LRRC40: variants seen among roughly 807,000 people sequenced by gnomAD.
LRRC40 encodes the protein leucine-rich repeat-containing protein 40.
In LRRC40, 76 loss-of-function variants were observed where a neutral mutation model predicts 72.8. The observed-to-expected ratio is 1.04, with a 90% CI of 0.87 to 1.26. LRRC40 has a LOEUF of 1.26. Among genes scored for constraint, LRRC40 ranks in the 50% most tolerant of loss-of-function variants. The pLI, the probability that LRRC40 is intolerant of heterozygous loss-of-function variation, is 0.00. For missense variants in LRRC40, 684 were observed against 698.9 expected (o/e 0.98, Z 0.24); for synonymous variants, 243 against 254.2 (o/e 0.96, Z 0.42).
intron 9 of LRRC40, among the ~76,000 whole-genome samples, chr1:70,161,867 C>T (rs1667772161): frequency 2.0e-5 from 3 of 151,692 alleles, no homozygotes; most frequent in African/African-American, 4.8e-5. Context: ...AAGTAAGAGA[C>T]GAAGACAGAA....
intron 9 of LRRC40, 127 bp downstream of exon 9, chr1:70,173,338 G>C (rs1243722233): frequency 7.7e-6 from 5 of 652,394 alleles, no homozygotes; most frequent in Admixed American, 5.7e-5. Flanking sequence ...TTTAGAATTA[G>C]AGCCACACAT....
Position 70,178,954 on chromosome 1 carries a change from G to A in LRRC40, c.701C>T (p.Thr234Ile), listed in dbSNP as rs138633329. 5.8e-4 allele frequency: 932 copies of A among 1,600,128 alleles called. 1 individual carries two copies. The highest frequency in any genetic ancestry group is 7.5e-4 in the Non-Finnish European group (882 of 1,171,174). Residue 234 changes from threonine to isoleucine, a missense_variant, in exon 6 of 15, where the codon ACT becomes ATT. Thr to Ile is a moderately conservative substitution (Grantham distance 89). Transcript: ENST00000370952. ...CATGCCAGCCAATTCAGGAGGTATA[G>A]TTTCCAAGAGATTTGAATTACAATC... Reference protein sequence around the residue: ...HLDCNSNLLETIPPELAGMES... With the variant: ...HLDCNSNLLEIIPPELAGMES...
intron 1 of LRRC40, among the ~76,000 whole-genome samples, chr1:70,196,881 C>G (rs1477261776): frequency 2.0e-5 from 3 of 152,116 alleles, no homozygotes; most frequent in Non-Finnish European, 4.4e-5. Flanking sequence ...GCAACATACT[C>G]TTTGTAAATG....
At chr1:70,197,084 G>T (rs1668628867) in intron 1 of LRRC40, among the ~76,000 whole-genome samples, 1 of 152,068 alleles carries the variant, frequency 6.6e-6, no homozygotes, top group Non-Finnish European at 1.5e-5. Flanking sequence ...TATTCAATAG[G>T]ATAGCTACTA....
chr1:70,203,058 T>C (rs993178394), intron 1 of LRRC40, among the ~76,000 whole-genome samples: 1 of 152,160 alleles, frequency 6.6e-6, no homozygotes, highest in Non-Finnish European at 1.5e-5. Context: ...GCTCATCTAA[T>C]TCTTGTATTT....
intron 1 of LRRC40, among the ~76,000 whole-genome samples, chr1:70,198,576 T>C (rs1416628048): frequency 6.6e-6 from 1 of 152,232 alleles, no homozygotes; most frequent in African/African-American, 2.4e-5. Flanking sequence ...AAAAGAGCTG[T>C]CACTTACATG....
At chr1:70,161,393 C>G (rs1303386595) in intron 9 of LRRC40, among the ~76,000 whole-genome samples, 1 of 151,560 alleles carries the variant, frequency 6.6e-6, no homozygotes, top group African/African-American at 2.4e-5. Context: ...CATGGAGATA[C>G]CTTTTTAAGA....
At chr1:70,165,838 G>A (rs552728509) in intron 9 of LRRC40, among the ~76,000 whole-genome samples, 16 of 152,208 alleles carry the variant, frequency 1.1e-4, no homozygotes, top group Non-Finnish European at 1.8e-4. Context: ...GCCTGGGCAC[G>A]TAGTTTTTAA....
chr1:70,147,370 A>G (rs138441724), intron 14 of LRRC40, among the ~76,000 whole-genome samples: 3 of 152,322 alleles, frequency 2.0e-5, no homozygotes, highest in African/African-American at 7.2e-5. Context: ...AGTCTTCCTA[A>G]GGACAAATGT....
Position 70,144,830 on chromosome 1 carries a change from A to T in LRRC40, c.*970T>A, listed in dbSNP as rs1667241423. The T allele has an allele frequency of 6.6e-6, 1 of 152,192 alleles. No homozygotes were observed. The highest frequency in any genetic ancestry group is 1.9e-4 in the East Asian group (1 of 5,196). The allele number at this position is 152,192 out of a possible 1,614,324, so 9.4% of individuals were successfully genotyped here. ...TCAATATTTGAAAAATGTAACTTTT[A>T]TTCTGAACATGTAGTATTTATCTTT... On this transcript the variant is annotated 3_prime_UTR_variant, in exon 15 of 15. Coordinates refer to ENST00000370952, the MANE Select transcript of LRRC40 (RefSeq NM_017768.5).
rs1414885298 is a variant in LRRC40, at chr1:70,145,923, A to G, written c.1704-18T>C. 2 of 1,242,304 alleles carry G rather than the reference A, an allele frequency of 1.6e-6. No individual in the cohort carries two copies. Among genetic ancestry groups the G allele is most frequent in the East Asian group, 2.4e-5 (1 of 41,652 alleles). 77.0% of individuals were successfully genotyped at this position (1,242,304 alleles called of 1,614,324 possible). Reference sequence around the variant, plus strand: ...GTAATGTTCTAAACAAAAGAGAGAAATTGAGAATGTAAACATTTTCCATTA... The same window carrying G: ...GTAATGTTCTAAACAAAAGAGAGAAGTTGAGAATGTAAACATTTTCCATTA... On this transcript the variant is annotated intron_variant, in intron 14 of 14. Transcript: ENST00000370952.
In LRRC40 at chr1:70,175,943, C is replaced by T. The variant is rs1442340280; in HGVS notation, c.844G>A (p.Ala282Thr). ...VGENQIEMLE[A>T]EHLKHLNSIL... ...GAATTCAGATGTTTAAGATGTTCTG[C>T]CTCTAACATTTCAATCTGGTTTTCA... Residue 282 changes from alanine (A) to threonine (T), a missense_variant, in exon 7 of 15, where the codon GCA becomes ACA. Physicochemically the swap from Ala to Thr is moderately conservative, Grantham distance 58. Coordinates refer to ENST00000370952, the MANE Select transcript of LRRC40 (RefSeq NM_017768.5). 2 of 1,587,186 alleles carry T rather than the reference C, an allele frequency of 1.3e-6. No homozygotes were observed. Among genetic ancestry groups the T allele is most frequent in the East Asian group, 4.6e-5 (2 of 43,232 alleles).
At chr1:70,158,099 C>CAAAAAAAAAA in intron 10 of LRRC40, among the ~76,000 whole-genome samples, 1 of 19,198 alleles carries the variant, frequency 5.2e-5, no homozygotes, top group African/African-American at 2.3e-4. Context: ...GACCCTGCCT[C>CAAAAAAAAAA]AAAAAAAAAA....
chr1:70,172,101 C>T (rs1668011780), intron 9 of LRRC40, among the ~76,000 whole-genome samples: 2 of 152,052 alleles, frequency 1.3e-5, no homozygotes, highest in African/African-American at 4.8e-5. Context: ...CCCTCATGAA[C>T]GGGAATAGTG....
chr1:70,157,140 C>T (rs1167630161), intron 10 of LRRC40, among the ~76,000 whole-genome samples: 2 of 152,092 alleles, frequency 1.3e-5, no homozygotes, highest in Non-Finnish European at 2.9e-5. Context: ...TATGGAAGAA[C>T]TGTATAAGAA....
At chr1:70,175,662 C>T in intron 7 of LRRC40, 148 bp downstream of exon 7, 1 of 559,912 alleles carries the variant, frequency 1.8e-6, no homozygotes. Context: ...CCTAATTAAT[C>T]TTTATCTGTA....
intron 1 of LRRC40, among the ~76,000 whole-genome samples, chr1:70,197,541 A>C (rs1203471148): frequency 6.6e-6 from 1 of 150,998 alleles, no homozygotes; most frequent in Admixed American, 6.6e-5. Context: ...GGCCTCCCAA[A>C]GTGCTGGGAT....
intron 1 of LRRC40, among the ~76,000 whole-genome samples, chr1:70,202,700 G>T (rs1335735309): frequency 1.3e-5 from 2 of 152,120 alleles, no homozygotes; most frequent in Non-Finnish European, 2.9e-5. Context: ...TAATAATAAT[G>T]TATCAATATT....
chr1:70,195,094 G>T (rs1309555969), intron 1 of LRRC40, among the ~76,000 whole-genome samples: 4 of 152,010 alleles, frequency 2.6e-5, no homozygotes, highest in Admixed American at 6.6e-5. Flanking sequence ...ATATGTAAAT[G>T]ATGAAACTAA....
Sources: gnomAD v4.1 joint callset for allele counts (sites outside exome capture counted in the v4.1 genomes callset) on GRCh38, gnomAD v4.1.1 for gene constraint, MANE v1.5 for transcripts, NCBI Gene and HGNC (gene_info 2026-07-23, HGNC 2026-07-21) for gene names.